Variants in FGD6 observed in about 807,000 individuals in gnomAD.
FGD6 encodes FYVE, RhoGEF and PH domain-containing protein 6.
In FGD6, 90 loss-of-function variants were observed where a neutral mutation model predicts 149.4. The observed-to-expected ratio is 0.60, with a 90% CI of 0.51 to 0.72. FGD6 has a LOEUF of 0.72. FGD6 is among the 30% of genes least tolerant of loss of function. The probability of loss-of-function intolerance (pLI) is 0.00; values close to 1 mark genes in which losing one functional copy is unlikely to be tolerated. For synonymous variants in FGD6, 527 were observed against 584.0 expected (o/e 0.90, Z 1.41); for missense variants, 1,437 against 1,684.8 (o/e 0.85, Z 2.57).
chr12:95,156,499 G>A (rs1880475453), intron 3 of FGD6, among the ~76,000 whole-genome samples: 1 of 152,100 alleles, frequency 6.6e-6, no homozygotes, highest in Non-Finnish European at 1.5e-5. Context: ...CTCAAACCCT[G>A]TCTCCTGATA....
At chr12:95,186,362 C>T (rs545499048) in intron 2 of FGD6, among the ~76,000 whole-genome samples, 1 of 146,730 alleles carries the variant, frequency 6.8e-6, no homozygotes, top group Admixed American at 7.0e-5. Flanking sequence ...AATTCTCCTG[C>T]CTCAGCCTTC....
intron 2 of FGD6, among the ~76,000 whole-genome samples, chr12:95,190,824 G>C (rs1258333700): frequency 6.6e-6 from 1 of 152,138 alleles, no homozygotes; most frequent in Non-Finnish European, 1.5e-5. Flanking sequence ...GCCAAAGCAG[G>C]AGGATTGCTT....
rs1377199936 is a variant in FGD6, at chr12:95,211,244, G to T, written c.40C>A (p.Pro14Thr). 6.3e-7 allele frequency: 1 copy of T among 1,588,738 alleles called. No homozygotes were observed. Among genetic ancestry groups the T allele is most frequent in the South Asian group, 1.2e-5 (1 of 86,724 alleles). Residue 14 changes from proline to threonine, a missense_variant, in exon 2 of 21, where the codon CCC (proline) becomes ACC (threonine). By Grantham distance (38) the Pro-to-Thr change is conservative (BLOSUM62 -1). This residue lies in a region of FGD6 where 1,055 missense variants were observed against 1,146.0 expected (regional missense o/e 0.92). Transcript: ENST00000343958. ...AAEIKKPPVA[P>T]KPKFVVANNK... ...TTTGCCACAACAAACTTGGGCTTGG[G>T]GGCCACTGGTGGCTTCTTTATCTCT...
At chr12:95,191,110 G>A (rs6538613) in intron 2 of FGD6, among the ~76,000 whole-genome samples, 133,108 of 152,136 alleles carry the variant, frequency 0.87, 58,576 homozygotes, top group African/African-American at 0.96. Context: ...CATTTTCTGA[G>A]TAGCACATTT....
rs371039719 is a variant in FGD6 at position 95,107,680 on chromosome 12, C to T, written c.3265-49G>A. 9.0e-5 allele frequency: 143 copies of T among 1,580,612 alleles called. No homozygotes were observed. The East Asian group carries it at 1.2e-3, about 13-fold the overall frequency. ...ATTTAGTCCTACCATCACAACACAA[C>T]GACAATATAATTTCCTTTTCAACTT... On this transcript the variant is annotated intron_variant, in intron 11 of 20. Coordinates refer to ENST00000343958, the MANE Select transcript of FGD6 (RefSeq NM_018351.4).
At chr12:95,091,644 A>C (rs1878056851) in intron 17 of FGD6, 63 bp downstream of exon 17, 4 of 1,100,826 alleles carry the variant, frequency 3.6e-6, no homozygotes. Context: ...TTCTCTCAGA[A>C]GGTTGTTTGA....
intron 2 of FGD6, among the ~76,000 whole-genome samples, chr12:95,186,225 CTTCTTTTTTTTTTTTTTTTTTTTTTTT>C (rs1455828061): frequency 4.2e-5 from 3 of 71,200 alleles, no homozygotes; most frequent in African/African-American, 1.1e-4. Flanking sequence ...TTATATTCTT[CTTCTTTTTTTTTTTTTTTTTTTTTTTT>C]TTTTTTTTTT....
At chr12:95,084,464 A>G in intron 20 of FGD6, 34 bp downstream of exon 20, 1 of 1,486,996 alleles carries the variant, frequency 6.7e-7, no homozygotes, top group Non-Finnish European at 8.9e-7. Context: ...CTGAAATCTC[A>G]TGAATAAAAG....
rs1491377213 is a variant in FGD6, at chr12:95,175,815, A to AG, written c.2442-3072_2442-3071insC. Among the ~76,000 whole-genome samples, 968 of 142,782 alleles carry AG rather than the reference A, an allele frequency of 6.8e-3. 22 individuals carry two copies. Among genetic ancestry groups the AG allele is most frequent in the African/African-American group, 0.02 (784 of 39,048 alleles). The allele number at this position is 142,782 out of a possible 152,430, so 93.7% of individuals were successfully genotyped here. A position where few individuals can be genotyped will look rare whatever the true frequency, so the allele number is the denominator to read the frequency against. ...ACTCTGTCTCAAAAAAAAAAAAAAA[A>AG]AAAAGAAAAAAAAAAAGAAAAATCA... On this transcript the variant is annotated intron_variant, in intron 2 of 20. Coordinates refer to ENST00000343958, the MANE Select transcript of FGD6 (RefSeq NM_018351.4).
chr12:95,106,016 AC>A (rs1394800994), intron 13 of FGD6, among the ~76,000 whole-genome samples: 66 of 152,312 alleles, frequency 4.3e-4, no homozygotes, highest in African/African-American at 1.4e-3. Flanking sequence ...TCACAAAAAA[AC>A]AAAACAAAAC....
rs1332080788 is a variant in FGD6 at position 95,208,936 on chromosome 12, A to G, written c.2348T>C (p.Met783Thr). Residue 783 changes from methionine (M) to threonine (T), a missense_variant, in exon 2 of 21, where the codon ATG becomes ACG. Met to Thr is a moderately conservative substitution (Grantham distance 81). This residue lies in a region of FGD6 where 1,055 missense variants were observed against 1,146.0 expected (regional missense o/e 0.92). Coordinates refer to ENST00000343958, the MANE Select transcript of FGD6 (RefSeq NM_018351.4). ...QELEWQNSSS[M>T]EDADANVYEV... ...ATACACATTTGCATCAGCGTCCTCCATGCTGCTGGAATTCTGCCATTCCAA... is the reference window on the plus strand; with the variant it reads ...ATACACATTTGCATCAGCGTCCTCCGTGCTGCTGGAATTCTGCCATTCCAA... 3 of 1,614,094 alleles carry G rather than the reference A, an allele frequency of 1.9e-6. No individual in the cohort carries two copies. The Admixed American group carries it at 5.0e-5, about 27-fold the overall frequency.
intron 3 of FGD6, among the ~76,000 whole-genome samples, chr12:95,172,119 T>C (rs965961697): frequency 6.6e-6 from 1 of 151,906 alleles, no homozygotes; most frequent in African/African-American, 2.4e-5. Flanking sequence ...CTCACGCCTG[T>C]AATCCCAGCA....
At chr12:95,087,837 T>A (rs1194147970) in intron 18 of FGD6, among the ~76,000 whole-genome samples, 1 of 152,150 alleles carries the variant, frequency 6.6e-6, no homozygotes, top group Non-Finnish European at 1.5e-5. Context: ...TTAGAAATAT[T>A]TGTTAAGCAA....
At chr12:95,089,497 G>C in intron 18 of FGD6, 72 bp downstream of exon 18, 2 of 1,507,664 alleles carry the variant, frequency 1.3e-6, no homozygotes, top group Non-Finnish European at 8.9e-7. Context: ...CTTTATGAAA[G>C]AAAAACGGTG....
intron 20 of FGD6, among the ~76,000 whole-genome samples, chr12:95,082,015 G>A (rs77533931): frequency 0.063 from 9,639 of 152,088 alleles, 405 homozygotes; most frequent in Middle Eastern, 0.1. Context: ...TGCATACATG[G>A]AACTACCCTT....
intron 5 of FGD6, among the ~76,000 whole-genome samples, chr12:95,149,234 AT>A (rs1405358090): frequency 8.0e-5 from 3 of 37,368 alleles, no homozygotes; most frequent in Non-Finnish European, 1.3e-4. Flanking sequence ...TAGCATATAT[AT>A]TATATAATAT....
At chr12:95,089,891 A>G (rs1233029053) in intron 17 of FGD6, among the ~76,000 whole-genome samples, 195 bp from the exon 18 acceptor site, 1 of 152,138 alleles carries the variant, frequency 6.6e-6, no homozygotes, top group East Asian at 1.9e-4. Flanking sequence ...ATGGTTTTAT[A>G]CTTTTTGAAC....
In FGD6 at chr12:95,078,901, A is replaced by G. The variant is rs1284487388; in HGVS notation, c.*2619T>C. On this transcript the variant is annotated 3_prime_UTR_variant, in exon 21 of 21. Coordinates refer to ENST00000343958, the MANE Select transcript of FGD6 (RefSeq NM_018351.4). Reference sequence around the variant, plus strand: ...TTTCCTCCTTATGAATTAAAAGGAGATACCTGAAAAAGGGTTTGATGGAAG... The same window carrying G: ...TTTCCTCCTTATGAATTAAAAGGAGGTACCTGAAAAAGGGTTTGATGGAAG... The G allele has an allele frequency of 6.6e-6, 1 of 152,178 alleles. No individual in the cohort carries two copies. The highest frequency in any genetic ancestry group is 2.4e-5 in the African/African-American group (1 of 41,452). The allele number at this position is 152,178 out of a possible 1,614,324, so 9.4% of individuals were successfully genotyped here.
intron 2 of FGD6, among the ~76,000 whole-genome samples, chr12:95,181,953 A>C (rs1043496910): frequency 6.6e-6 from 1 of 152,000 alleles, no homozygotes; most frequent in Non-Finnish European, 1.5e-5. Context: ...AAAAAAAAAA[A>C]AAAACAAAGG....
Sources: allele counts gnomAD v4.1 joint callset (sites outside exome capture counted in the v4.1 genomes callset), GRCh38; gene constraint gnomAD v4.1.1; regional missense constraint gnomAD v4.1.1; transcripts MANE v1.5; gene names NCBI Gene and HGNC (gene_info 2026-07-23, HGNC 2026-07-21).